TLE7: variants seen among roughly 807,000 people sequenced by gnomAD.
TLE7 encodes transducin-like enhancer protein 7.
At chr16:71,433,490 G>A in intron 1 of TLE7, 70 bp from the exon 2 acceptor site, 1 of 396,942 alleles carries the variant, frequency 2.5e-6, no homozygotes. Flanking sequence ...AAGGGGCAGA[G>A]AATGTCTCCT....
intron 1 of TLE7, among the ~76,000 whole-genome samples, chr16:71,439,575 G>C (rs1043512081): frequency 1.3e-5 from 2 of 151,966 alleles, no homozygotes; most frequent in Non-Finnish European, 1.5e-5. Context: ...ATGGGGGGAA[G>C]GGACAAGACT....
Position 71,430,744 on chromosome 16 carries a change from G to T in TLE7, c.1148-3C>A. On this transcript the variant is annotated splice_polypyrimidine_tract_variant and splice_region_variant and intron_variant, in intron 8 of 9. Transcript: ENST00000561754. ...TATCGCGGTCACAAAATAGCTCCCT[G>T]GTGAAGGAACGAACAGGTGAGAGGC... The T allele has an allele frequency of 2.5e-6, 1 of 398,536 alleles. No individual in the cohort carries two copies. The highest frequency in any genetic ancestry group is 1.3e-4 in the South Asian group (1 of 7,804). 24.7% of individuals were successfully genotyped at this position (398,536 alleles called of 1,614,324 possible).
chr16:71,433,904 G>A (rs1213676246), intron 1 of TLE7, among the ~76,000 whole-genome samples: 2 of 152,186 alleles, frequency 1.3e-5, no homozygotes, highest in African/African-American at 4.8e-5. Flanking sequence ...GTTGCACTGA[G>A]GTGAGATCGT....
At chr16:71,434,011 C>G (rs1278349146) in intron 1 of TLE7, among the ~76,000 whole-genome samples, 1 of 152,148 alleles carries the variant, frequency 6.6e-6, no homozygotes, top group Admixed American at 6.5e-5. Flanking sequence ...AATGAGGGCT[C>G]ATACCTAAGC....
At chr16:71,436,985 G>A (rs1033841537) in intron 1 of TLE7, among the ~76,000 whole-genome samples, 3 of 152,196 alleles carry the variant, frequency 2.0e-5, no homozygotes, top group African/African-American at 7.2e-5. Context: ...ACTTGGGGAG[G>A]CCGAGGCGGG....
intron 1 of TLE7, among the ~76,000 whole-genome samples, chr16:71,436,766 G>A (rs569678713): frequency 9.2e-5 from 14 of 152,252 alleles, no homozygotes; most frequent in African/African-American, 3.1e-4. Context: ...TGGCCTGAGC[G>A]TGCCTGGCTC....
rs1452941924 is a variant in TLE7, at chr16:71,433,148, C to T, written c.177G>A (p.Gln59=). 2 of 398,650 alleles carry T rather than the reference C, an allele frequency of 5.0e-6. No homozygotes were observed. Among genetic ancestry groups the T allele is most frequent in the East Asian group, 7.1e-5 (2 of 28,088 alleles). The allele number at this position is 398,650 out of a possible 1,614,324, so 24.7% of individuals were successfully genotyped here. A position where few individuals can be genotyped will look rare whatever the true frequency, so the allele number is the denominator to read the frequency against. ...VPWQPPGPPI[Q]HSPADQETST... The stretch of plus-strand genomic sequence containing the variant: ...TTGTCTCTTGATCAGCAGGGCTGTG[C>T]TGTATTGGGGGGCCCGGGGGCTGCC... Residue 59 remains glutamine, a synonymous_variant, in exon 2 of 10, where the codon CAG becomes CAA. Coordinates refer to ENST00000561754, the MANE Select transcript of TLE7 (RefSeq NM_001367365.2).
intron 1 of TLE7, 59 bp from the exon 2 acceptor site, chr16:71,433,479 G>C (rs1318967657): frequency 2.5e-6 from 1 of 397,182 alleles, no homozygotes; most frequent in East Asian, 3.6e-5. Flanking sequence ...GGTCTCTTTA[G>C]AAGGGGCAGA....
intron 1 of TLE7, among the ~76,000 whole-genome samples, chr16:71,440,887 TCCTC>T: frequency 6.6e-6 from 1 of 152,088 alleles, no homozygotes. Flanking sequence ...TCCTCCCACC[TCCTC>T]CCTCACTGTC....
intron 1 of TLE7, among the ~76,000 whole-genome samples, chr16:71,438,140 C>T (rs758824764): frequency 8.5e-5 from 13 of 152,104 alleles, no homozygotes; most frequent in Non-Finnish European, 1.9e-4. Context: ...TTATAAGAAA[C>T]CATAAGGAGT....
chr16:71,432,215 G>A lies in TLE7; in HGVS notation c.504C>T (p.Gly168=), dbSNP rs1306139432. The A allele has an allele frequency of 2.5e-6, 1 of 400,744 alleles. No individual in the cohort carries two copies. The highest frequency in any genetic ancestry group is 4.4e-6 in the Non-Finnish European group (1 of 226,292). The allele number at this position is 400,744 out of a possible 1,614,324, so 24.8% of individuals were successfully genotyped here. ...GKRVYAVAIS[G]STHHVYTCGS... ...CACACGTGTACACGTGGTGGGTTGA[G>A]CCGCTGATGGCCACAGCGTAGACTC... Residue 168 remains glycine (G), a synonymous_variant, in exon 5 of 10, where the codon GGC becomes GGT. Coordinates refer to ENST00000561754, the MANE Select transcript of TLE7 (RefSeq NM_001367365.2).
intron 1 of TLE7, among the ~76,000 whole-genome samples, chr16:71,436,606 G>T (rs770547178): frequency 6.6e-6 from 1 of 152,224 alleles, no homozygotes; most frequent in South Asian, 2.1e-4. Flanking sequence ...CAAAGATGGG[G>T]AGTTGAGTTG....
In TLE7 at chr16:71,431,210, A is replaced by G. The variant is rs1391887550; in HGVS notation, c.1058T>C (p.Ile353Thr). 6 of 400,462 alleles carry G rather than the reference A, an allele frequency of 1.5e-5. No homozygotes were observed. The highest frequency in any genetic ancestry group is 1.3e-4 in the South Asian group (1 of 7,928). The allele number at this position is 400,462 out of a possible 1,614,324, so 24.8% of individuals were successfully genotyped here. ...ATTCCGACGAGTGTGAAGGAACACG[A>G]TATCACTCGTTCTCAGGCCCGCCAA... The part of the protein sequence containing the change: ...WVLAGLRTSD[I>T]VFLHTRRNEQ... Residue 353 changes from isoleucine (I) to threonine (T), a missense_variant, in exon 8 of 10, where the codon ATC (isoleucine) becomes ACC (threonine). Coordinates refer to ENST00000561754, the MANE Select transcript of TLE7 (RefSeq NM_001367365.2). The surrounding 1 kb of genome is among the most constrained non-coding windows in gnomAD (Gnocchi z 4.5).
At chr16:71,433,540 T>G in intron 1 of TLE7, 120 bp from the exon 2 acceptor site, 1 of 389,744 alleles carries the variant, frequency 2.6e-6, no homozygotes, top group South Asian at 1.4e-4. Context: ...CAACTAGCTT[T>G]TCACATTAGG....
intron 1 of TLE7, among the ~76,000 whole-genome samples, chr16:71,437,913 G>A (rs1217713005): frequency 1.3e-5 from 2 of 152,124 alleles, no homozygotes; most frequent in African/African-American, 2.4e-5. Context: ...TCCCCAGAAC[G>A]TCTGTGGCTG....
intron 1 of TLE7, among the ~76,000 whole-genome samples, chr16:71,440,292 T>C (rs912491404): frequency 6.6e-6 from 1 of 152,142 alleles, no homozygotes; most frequent in South Asian, 2.1e-4. Flanking sequence ...TTGTGCAACA[T>C]TGTGATGTAC....
chr16:71,441,728 C>T (rs76753397), intron 1 of TLE7, among the ~76,000 whole-genome samples: 1 of 152,216 alleles, frequency 6.6e-6, no homozygotes, highest in East Asian at 1.9e-4. Flanking sequence ...CGCTCCCCTG[C>T]CCCCTTCCAG....
chr16:71,437,468 A>AGAAGG (rs1440852230), intron 1 of TLE7, among the ~76,000 whole-genome samples: 1 of 151,584 alleles, frequency 6.6e-6, no homozygotes, highest in African/African-American at 2.4e-5. Flanking sequence ...AAGGGAGAAG[A>AGAAGG]GAAGAGAAGA....
intron 1 of TLE7, among the ~76,000 whole-genome samples, chr16:71,441,283 C>T (rs2042846701): frequency 6.6e-6 from 1 of 152,270 alleles, no homozygotes; most frequent in African/African-American, 2.4e-5. Flanking sequence ...AAGGGTCTCA[C>T]TTTGTTGCCC....
Sources: allele counts gnomAD v4.1 joint callset (sites outside exome capture counted in the v4.1 genomes callset), GRCh38; gene constraint gnomAD v4.1.1; non-coding constraint Gnocchi (gnomAD v3.1); transcripts MANE v1.5; gene names NCBI Gene and HGNC (gene_info 2026-07-23, HGNC 2026-07-21).